EPS8: variants seen among roughly 807,000 people sequenced by gnomAD.
EPS8 encodes the protein epidermal growth factor receptor kinase substrate 8.
Under a neutral mutation model 103.8 loss-of-function variants are expected in EPS8, and 42 were observed. The ratio of observed to expected loss-of-function variants is 0.40; its 90% CI spans 0.32 to 0.52. The LOEUF (loss-of-function observed/expected upper bound fraction) is 0.52, where lower values mean the gene tolerates loss of function less well. EPS8 is among the 20% of genes least tolerant of loss of function. The pLI is 0.40. For synonymous variants in EPS8, 344 were observed against 344.6 expected (o/e 1.00, Z 0.02); for missense variants, 969 against 1,005.1 (o/e 0.96, Z 0.49).
rs1209047914 is a variant in EPS8, at chr12:15,777,724, A to G, written c.-22+11437T>C. 6.6e-6 allele frequency among the ~76,000 whole-genome samples: 1 copy of G among 152,346 alleles called. No individual in the cohort carries two copies. Among genetic ancestry groups the G allele is most frequent in the East Asian group, 1.9e-4 (1 of 5,190 alleles). On this transcript the variant is annotated intron_variant, in intron 1 of 20. Transcript: ENST00000281172. The surrounding 1 kb of genome is among the most constrained non-coding windows in gnomAD (Gnocchi z 4.7). The stretch of plus-strand genomic sequence containing the variant: ...CTATTAAAGCCATCTGAGGATTGAA[A>G]AAGGGTGTCAGAAACGAGCAAAAGG...
rs994892830 is a variant in EPS8, at chr12:15,727,906, G to A, written c.-21-44934C>T. Among the ~76,000 whole-genome samples, 76 of 152,084 alleles carry A rather than the reference G, an allele frequency of 5.0e-4. No individual in the cohort carries two copies. Among genetic ancestry groups the A allele is most frequent in the Non-Finnish European group, 9.1e-4 (62 of 67,990 alleles). ...TAAGTCTAGTTTCCTTTACTAAGATGCTTTTATCAAGATGGTTCTCCCATA... is the reference window on the plus strand; with the variant it reads ...TAAGTCTAGTTTCCTTTACTAAGATACTTTTATCAAGATGGTTCTCCCATA... On this transcript the variant is annotated intron_variant, in intron 1 of 20. Transcript: ENST00000281172. This position sits in a 1 kb window ranked among gnomAD's most constrained non-coding sequence, Gnocchi z 4.3.
At chr12:15,783,734 AAG>A (rs1317567967) in intron 1 of EPS8, among the ~76,000 whole-genome samples, 1 of 150,990 alleles carries the variant, frequency 6.6e-6, no homozygotes, top group African/African-American at 2.4e-5. Context: ...AAAAAAAAAA[AAG>A]AGGAAAATGA....
Position 15,747,897 on chromosome 12 carries a change from G to A in EPS8, c.-22+41264C>T, listed in dbSNP as rs1206656444. Among the ~76,000 whole-genome samples the A allele has an allele frequency of 2.0e-5, 3 of 152,096 alleles. No homozygotes were observed. The highest frequency in any genetic ancestry group is 6.5e-5 in the Admixed American group (1 of 15,274). On this transcript the variant is annotated intron_variant, in intron 1 of 20. Transcript: ENST00000281172. This position sits in a 1 kb window ranked among gnomAD's most constrained non-coding sequence, Gnocchi z 4.4. ...TAGCCGGACGTGGTGGCAGGCACCT[G>A]TAGTCCCAGCTACTCGGGAGTCTGA...
chr12:15,669,781 A>G lies in EPS8; in HGVS notation c.249T>C (p.Thr83=). The G allele has an allele frequency of 6.2e-7, 1 of 1,612,854 alleles. No homozygotes were observed. The highest frequency in any genetic ancestry group is 2.2e-5 in the East Asian group (1 of 44,844). Residue 83 remains threonine, a synonymous_variant, in exon 5 of 21, where the codon ACT becomes ACC. Coordinates refer to ENST00000281172, the MANE Select transcript of EPS8 (RefSeq NM_004447.6). ...FVLDRKDAMI[T]VDDGIRKLKL... ...TCAATTTCCTTATTCCATCATCAAC[A>G]GTGATCATAGCATCTTTCCGATCCA...
intron 1 of EPS8, among the ~76,000 whole-genome samples, chr12:15,758,012 T>A (rs990464512): frequency 6.6e-6 from 1 of 152,202 alleles, no homozygotes; most frequent in Non-Finnish European, 1.5e-5. Context: ...GCTTGAGACC[T>A]TAGCTGGAGT....
At position 15,681,257 on chromosome 12, in the gene EPS8, A is replaced by G. The variant is rs1314678875; in HGVS notation, c.105T>C (p.His35=). The change falls in exon 3 of 21, where the codon CAT becomes CAC. Residue 35 remains histidine, a synonymous_variant. Transcript: ENST00000281172. ...GGGCCTTTGCACTTGTTTTTGAACC[A>G]TGTTCTCTGTCCGTCTGGGAAAAGG... ...SPTFSQTDRE[H]GSKTSAKALY... The G allele has an allele frequency of 1.3e-6, 2 of 1,567,556 alleles. No individual in the cohort carries two copies. The highest frequency in any genetic ancestry group is 8.7e-7 in the Non-Finnish European group (1 of 1,151,904).
rs1946234642 is a variant in EPS8, at chr12:15,695,755, A to G, written c.-21-12783T>C. Reference sequence around the variant, plus strand: ...TTTGGGAGGCCGAGGTGGGTGGATCACCTGAGGTCAGGAGTTTGAGACCAG... The same window carrying G: ...TTTGGGAGGCCGAGGTGGGTGGATCGCCTGAGGTCAGGAGTTTGAGACCAG... On this transcript the variant is annotated intron_variant, in intron 1 of 20. Transcript: ENST00000281172. This position sits in a 1 kb window ranked among gnomAD's most constrained non-coding sequence, Gnocchi z 5.0. Among the ~76,000 whole-genome samples, 1 of 152,080 alleles carries G rather than the reference A, an allele frequency of 6.6e-6. No homozygotes were observed. The highest frequency in any genetic ancestry group is 2.4e-5 in the African/African-American group (1 of 41,434).
chr12:15,706,420 T>C lies in EPS8; in HGVS notation c.-21-23448A>G, dbSNP rs970157860. 2.7e-5 allele frequency among the ~76,000 whole-genome samples: 4 copies of C among 150,598 alleles called. No homozygotes were observed. Among genetic ancestry groups the C allele is most frequent in the African/African-American group, 9.8e-5 (4 of 40,944 alleles). Reference sequence around the variant, plus strand: ...TTTTATATCTTTGCCTATCTAAATCTTGTATCTCAGCTTAAATGGCCCCTT... The same window carrying C: ...TTTTATATCTTTGCCTATCTAAATCCTGTATCTCAGCTTAAATGGCCCCTT... On this transcript the variant is annotated intron_variant, in intron 1 of 20. Transcript: ENST00000281172. The surrounding 1 kb of genome is among the most constrained non-coding windows in gnomAD (Gnocchi z 5.2).
intron 1 of EPS8, among the ~76,000 whole-genome samples, chr12:15,758,781 T>G (rs1323245161): frequency 6.6e-6 from 1 of 152,206 alleles, no homozygotes; most frequent in African/African-American, 2.4e-5. Context: ...ATATAGTGGT[T>G]ATGTAGGAGA....
intron 20 of EPS8, among the ~76,000 whole-genome samples, chr12:15,622,602 C>T (rs958727583): frequency 6.6e-6 from 1 of 152,070 alleles, no homozygotes; most frequent in African/African-American, 2.4e-5. Flanking sequence ...AAGTATAAAG[C>T]AATCTAGAAA....
intron 1 of EPS8, among the ~76,000 whole-genome samples, chr12:15,744,725 A>C (rs917166639): frequency 6.6e-6 from 1 of 152,250 alleles, no homozygotes; most frequent in Non-Finnish European, 1.5e-5. Flanking sequence ...ATTATAACAC[A>C]GTATGATAAA....
rs1591906600 is a variant in EPS8 at position 15,734,428 on chromosome 12, C to T, written c.-21-51456G>A. ...GATTCTCTGTGGTTGGGCACGGTGGCTCACACCTGTAATCCCAGCACTTTG... is the reference window on the plus strand; with the variant it reads ...GATTCTCTGTGGTTGGGCACGGTGGTTCACACCTGTAATCCCAGCACTTTG... On this transcript the variant is annotated intron_variant, in intron 1 of 20. Transcript: ENST00000281172. This position sits in a 1 kb window ranked among gnomAD's most constrained non-coding sequence, Gnocchi z 4.1. Among the ~76,000 whole-genome samples the T allele has an allele frequency of 2.0e-5, 3 of 152,250 alleles. No individual in the cohort carries two copies. The South Asian group carries it at 6.2e-4, about 32-fold the overall frequency.
intron 1 of EPS8, among the ~76,000 whole-genome samples, chr12:15,707,009 T>G (rs2950429): frequency 0.93 from 141,131 of 152,186 alleles, 66,361 homozygotes; most frequent in Non-Finnish European, 1. Context: ...TCTCTCAAGG[T>G]TAAGAACAAT....
rs1440438595 is a variant in EPS8, at chr12:15,767,546, A to G, written c.-22+21615T>C. On this transcript the variant is annotated intron_variant, in intron 1 of 20. Coordinates refer to ENST00000281172, the MANE Select transcript of EPS8 (RefSeq NM_004447.6). The surrounding 1 kb of genome is among the most constrained non-coding windows in gnomAD (Gnocchi z 5.5). Reference sequence around the variant, plus strand: ...GTATCAGGTCAGTCTTAGGCCATAAAGAAGTACTTTATTATCCTCATTGTT... The same window carrying G: ...GTATCAGGTCAGTCTTAGGCCATAAGGAAGTACTTTATTATCCTCATTGTT... Among the ~76,000 whole-genome samples, 1 of 152,152 alleles carries G rather than the reference A, an allele frequency of 6.6e-6. No individual in the cohort carries two copies. The highest frequency in any genetic ancestry group is 1.5e-5 in the Non-Finnish European group (1 of 67,982).
intron 3 of EPS8, chr12:15,672,461 T>C (rs1274358401): frequency 2.5e-6 from 1 of 398,452 alleles, no homozygotes; most frequent in Non-Finnish European, 4.4e-6. Flanking sequence ...TACCTTTCTT[T>C]TTTTGTTTGG....
chr12:15,629,173 T>G (rs1474759844), intron 18 of EPS8, among the ~76,000 whole-genome samples: 5 of 152,230 alleles, frequency 3.3e-5, no homozygotes, highest in African/African-American at 1.2e-4. Flanking sequence ...TTCAACATGA[T>G]GAGTCACAAT....
chr12:15,668,277 T>C (rs1445591329), intron 6 of EPS8, among the ~76,000 whole-genome samples: 1 of 152,158 alleles, frequency 6.6e-6, no homozygotes, highest in African/African-American at 2.4e-5. Context: ...AGAAGAAAAT[T>C]ATAAAATACA....
At position 15,728,557 on chromosome 12, in the gene EPS8, A is replaced by G. The variant is rs1336618084; in HGVS notation, c.-21-45585T>C. On this transcript the variant is annotated intron_variant, in intron 1 of 20. Coordinates refer to ENST00000281172, the MANE Select transcript of EPS8 (RefSeq NM_004447.6). The surrounding 1 kb of genome is among the most constrained non-coding windows in gnomAD (Gnocchi z 4.5). ...AGTCATTAATAGAATTTGAAGAGTC[A>G]GGCATTGCTCCTAATACCACCATAT... Among the ~76,000 whole-genome samples, 1 of 152,222 alleles carries G rather than the reference A, an allele frequency of 6.6e-6. No individual in the cohort carries two copies. Among genetic ancestry groups the G allele is most frequent in the Non-Finnish European group, 1.5e-5 (1 of 68,032 alleles).
intron 15 of EPS8, among the ~76,000 whole-genome samples, chr12:15,643,740 G>GAA (rs56952348): frequency 1.4e-4 from 11 of 76,916 alleles, no homozygotes; most frequent in East Asian, 4.5e-4. Flanking sequence ...ACTCTGTCTC[G>GAA]AAAAAAAAAA....
Sources: allele counts gnomAD v4.1 joint callset (sites outside exome capture counted in the v4.1 genomes callset), GRCh38; gene constraint gnomAD v4.1.1; non-coding constraint Gnocchi (gnomAD v3.1); transcripts MANE v1.5; gene names NCBI Gene and HGNC (gene_info 2026-07-23, HGNC 2026-07-21).